The following LRP1 variants were observed in gnomAD, a reference collection of about 807,000 sequenced individuals.
The protein encoded by LRP1 is LDL receptor related protein 1.
LRP1 carries 51 observed loss-of-function variants against 541.5 expected under a neutral mutation model. The ratio of observed to expected loss-of-function variants is 0.09; its 90% CI spans 0.08 to 0.12. LRP1 has a LOEUF of 0.12. Ranked by LOEUF, LRP1 falls within the 10% of genes least tolerant of loss-of-function variation. The pLI, the probability that LRP1 is intolerant of heterozygous loss-of-function variation, is 1.00. For synonymous variants in LRP1, 2,219 were observed against 2,470.8 expected (o/e 0.90, Z 3.02); for missense variants, 3,878 against 6,376.2 (o/e 0.61, Z 13.34).
At chr12:57,193,106 C>G (rs543496260) in intron 45 of LRP1, 70 bp from the exon 46 acceptor site, 1 of 1,595,820 alleles carries the variant, frequency 6.3e-7, no homozygotes, top group Non-Finnish European at 8.6e-7. Context: ...CTCAGCTCCC[C>G]GGGGGAGGAG....
At position 57,145,367 on chromosome 12, in the gene LRP1, G is replaced by A; in HGVS notation, c.718G>A (p.Glu240Lys). Residue 240 changes from glutamate to lysine, a missense_variant, in exon 6 of 89, where the codon GAG (glutamate) becomes AAG (lysine). Around this residue, in one of 13 missense-constraint regions of LRP1, gnomAD observed 293 missense variants for 403.7 expected, o/e 0.73. Coordinates refer to ENST00000243077, the MANE Select transcript of LRP1 (RefSeq NM_002332.3). ...AGCCATGGACTTCAGCTATGCCAAC[G>A]AGACCGTATGCTGGGTGCATGTTGG... ...TTAMDFSYAN[E>K]TVCWVHVGDS... The A allele has an allele frequency of 1.2e-6, 2 of 1,614,170 alleles. No homozygotes were observed. Among genetic ancestry groups the A allele is most frequent in the Non-Finnish European group, 1.7e-6 (2 of 1,180,042 alleles).
rs1565739575 is a variant in LRP1 at position 57,184,833 on chromosome 12, C to CT, written c.6187-5dup. 6.2e-7 allele frequency: 1 copy of CT among 1,610,462 alleles called. No homozygotes were observed. ...TGGAGGTGAGGTGGGTGCCTCTGGC[C>CT]TGTAGGATGGGAAGCTGTACTGGTG... On this transcript the variant is annotated splice_region_variant and splice_polypyrimidine_tract_variant and intron_variant, in intron 38 of 88. Coordinates refer to ENST00000243077, the MANE Select transcript of LRP1 (RefSeq NM_002332.3). The surrounding 1 kb of genome is among the most constrained non-coding windows in gnomAD (Gnocchi z 7.8).
In LRP1 at chr12:57,156,186, C is replaced by T; in HGVS notation, c.1320C>T (p.Ile440=). 6.2e-7 allele frequency: 1 copy of T among 1,614,100 alleles called. No individual in the cohort carries two copies. Among genetic ancestry groups the T allele is most frequent in the African/African-American group, 1.3e-5 (1 of 75,018 alleles). The stretch of plus-strand genomic sequence containing the variant: ...ATGCCCAGCAGAAGACGAGTGTGAT[C>T]CGTGTGAACCGCTTTAACAGCACCG... ...NANAQQKTSV[I]RVNRFNSTEY... is the part of the protein sequence containing the mutation. The change falls in exon 9 of 89, where the codon ATC becomes ATT. Residue 440 remains isoleucine, a synonymous_variant. Coordinates refer to ENST00000243077, the MANE Select transcript of LRP1 (RefSeq NM_002332.3). The surrounding 1 kb of genome is among the most constrained non-coding windows in gnomAD (Gnocchi z 5.2).
rs139523882 is a variant in LRP1 at position 57,160,937 on chromosome 12, G to A, written c.2024G>A (p.Arg675Gln). The A allele has an allele frequency of 3.1e-5, 50 of 1,613,808 alleles. No individual in the cohort carries two copies. Among genetic ancestry groups the A allele is most frequent in the East Asian group, 2.7e-4 (12 of 44,884 alleles). The change falls in exon 13 of 89, where the codon CGG (arginine) becomes CAG (glutamine). Residue 675 changes from arginine to glutamine, a missense_variant. By Grantham distance (43) the Arg-to-Gln change is conservative. Around this residue, in one of 13 missense-constraint regions of LRP1, gnomAD observed 496 missense variants for 861.0 expected, o/e 0.58. Coordinates refer to ENST00000243077, the MANE Select transcript of LRP1 (RefSeq NM_002332.3). Reference protein sequence around the residue: ...TDWEEDPKDSRRGRLERAWMD... With the variant: ...TDWEEDPKDSQRGRLERAWMD... ...TGGGAGGAGGACCCCAAGGACAGTC[G>A]GCGTGGGCGGCTGGAGAGGGCGTGG...
At position 57,184,389 on chromosome 12, in the gene LRP1, G is replaced by A. The variant is rs560853445; in HGVS notation, c.6123G>A (p.Thr2041=). ...PRIERSRLDG[T]ERVVLVNVSI... ...TTGAGCGGTCTCGGCTAGATGGCAC[G>A]GAGCGTGTGGTGCTGGTCAACGTCA... Residue 2041 remains threonine, a synonymous_variant, in exon 38 of 89, where the codon ACG becomes ACA. Coordinates refer to ENST00000243077, the MANE Select transcript of LRP1 (RefSeq NM_002332.3). This position sits in a 1 kb window ranked among gnomAD's most constrained non-coding sequence, Gnocchi z 7.8. The A allele has an allele frequency of 8.7e-6, 14 of 1,614,240 alleles. No homozygotes were observed. The highest frequency in any genetic ancestry group is 2.2e-5 in the East Asian group (1 of 44,892).
intron 1 of LRP1, among the ~76,000 whole-genome samples, chr12:57,137,213 C>T (rs1269729756): frequency 6.6e-6 from 1 of 151,154 alleles, no homozygotes; most frequent in Non-Finnish European, 1.5e-5. Flanking sequence ...TGCACTCCAG[C>T]CTGGGCAACA....
chr12:57,160,226 C>G (rs564398167), intron 12 of LRP1, among the ~76,000 whole-genome samples: 1 of 152,230 alleles, frequency 6.6e-6, no homozygotes, highest in South Asian at 2.1e-4. Flanking sequence ...AGTTCAGGGC[C>G]TTCCACCAGC....
Position 57,205,685 on chromosome 12 carries a change from A to G in LRP1, c.11590+8A>G, listed in dbSNP as rs1477259264. On this transcript the variant is annotated splice_region_variant and intron_variant, in intron 75 of 88. Transcript: ENST00000243077. This position sits in a 1 kb window ranked among gnomAD's most constrained non-coding sequence, Gnocchi z 4.6. ...ACACCTGCAAGGCCGAAGGTGCCGG[A>G]GCCACCAGAGGGCAGAAAGGCTGGG... 3 of 1,608,752 alleles carry G rather than the reference A, an allele frequency of 1.9e-6. No individual in the cohort carries two copies. Among genetic ancestry groups the G allele is most frequent in the Non-Finnish European group, 1.7e-6 (2 of 1,179,912 alleles).
intron 3 of LRP1, among the ~76,000 whole-genome samples, chr12:57,141,819 A>G (rs921815323): frequency 2.0e-5 from 3 of 152,198 alleles, no homozygotes; most frequent in African/African-American, 7.2e-5. Flanking sequence ...GTGTTTTCAT[A>G]CTTTTTTAAA....
intron 79 of LRP1, 58 bp downstream of exon 79, chr12:57,209,257 C>A: frequency 7.1e-7 from 1 of 1,400,246 alleles, no homozygotes; most frequent in Non-Finnish European, 1.0e-6. Flanking sequence ...GCCATCCTCC[C>A]TACTGAGCCA....
chr12:57,151,172 T>A (rs986153456), intron 6 of LRP1, among the ~76,000 whole-genome samples: 14 of 152,140 alleles, frequency 9.2e-5, no homozygotes, highest in Middle Eastern at 3.2e-3. Flanking sequence ...GCAGCCACCA[T>A]GTATGGAAAT....
At position 57,194,717 on chromosome 12, in the gene LRP1, C is replaced by CCA. The variant is rs775041485; in HGVS notation, c.8191+20_8191+21dup. The CCA allele has an allele frequency of 1.1e-5, 17 of 1,532,792 alleles. No homozygotes were observed. Among genetic ancestry groups the CCA allele is most frequent in the Non-Finnish European group, 1.4e-5 (16 of 1,140,096 alleles). The allele number at this position is 1,532,792 out of a possible 1,614,324, so 94.9% of individuals were successfully genotyped here. On this transcript the variant is annotated intron_variant, in intron 50 of 88. Coordinates refer to ENST00000243077, the MANE Select transcript of LRP1 (RefSeq NM_002332.3). Reference sequence around the variant, plus strand: ...CCACTGCAGTGAGTGACCACTGCACCCACTCAGTGCTCCAAGAGCCTGCTG... The same window carrying CCA: ...CCACTGCAGTGAGTGACCACTGCACCCACACTCAGTGCTCCAAGAGCCTGCTG...
Position 57,187,327 on chromosome 12 carries a change from G to C in LRP1, c.6902G>C (p.Ser2301Thr), listed in dbSNP as rs780067120. The change falls in exon 42 of 89, where the codon AGC becomes ACC. Residue 2301 changes from serine (S) to threonine (T), a missense_variant. By Grantham distance (58) the Ser-to-Thr change is moderately conservative. This residue lies in a region of LRP1 where 1,100 missense variants were observed against 1,827.4 expected (regional missense o/e 0.60). Coordinates refer to ENST00000243077, the MANE Select transcript of LRP1 (RefSeq NM_002332.3). ...HRGWDTLYWTSYTTSTITRHT... is the reference protein window; with the variant it reads ...HRGWDTLYWTTYTTSTITRHT... ...GGCTGGGACACTCTCTATTGGACAA[G>C]CTACACGACATCCACCATCACGCGC... The C allele has an allele frequency of 1.2e-6, 2 of 1,614,210 alleles. No homozygotes were observed. The highest frequency in any genetic ancestry group is 1.7e-6 in the Non-Finnish European group (2 of 1,180,044).
Position 57,193,542 on chromosome 12 carries a change from C to T in LRP1, c.7685-24C>T, listed in dbSNP as rs371759919. 7.1e-5 allele frequency: 114 copies of T among 1,609,322 alleles called. No homozygotes were observed. The Middle Eastern group carries it at 9.9e-4, about 14-fold the overall frequency. On this transcript the variant is annotated intron_variant, in intron 46 of 88. Transcript: ENST00000243077. ...CCTTTCCCTGTGCCTGTGGCTGACA[C>T]GCAGCCTACTCCTCCATTTGCAGAC...
intron 18 of LRP1, 86 bp from the exon 19 acceptor site, chr12:57,167,358 T>C (rs1226011884): frequency 1.0e-6 from 1 of 997,922 alleles, no homozygotes; most frequent in African/African-American, 1.6e-5. Flanking sequence ...CTGCTGGTTA[T>C]GGGAGGGCCG....
rs769527712 is a variant in LRP1 at position 57,193,934 on chromosome 12, G to C, written c.7840G>C (p.Asp2614His). Residue 2614 changes from aspartate to histidine, a missense_variant, in exon 48 of 89, where the codon GAC becomes CAC. Around this residue, in one of 13 missense-constraint regions of LRP1, gnomAD observed 1,100 missense variants for 1,827.4 expected, o/e 0.60. Coordinates refer to ENST00000243077, the MANE Select transcript of LRP1 (RefSeq NM_002332.3). ...ACGVGEFRCR[D>H]GTCIGNSSRC... ...TGGTGTGGGCGAGTTCCGCTGCCGG[G>C]ACGGGACCTGCATCGGGAACTCCAG... 2 of 1,614,152 alleles carry C rather than the reference G, an allele frequency of 1.2e-6. No homozygotes were observed. The highest frequency in any genetic ancestry group is 2.2e-5 in the South Asian group (2 of 91,080).
intron 2 of LRP1, 95 bp from the exon 3 acceptor site, chr12:57,141,279 A>G: frequency 6.8e-7 from 1 of 1,473,084 alleles, no homozygotes; most frequent in Non-Finnish European, 9.3e-7. Context: ...TGAGATCTGA[A>G]ACCCCAGTTT....
At position 57,175,851 on chromosome 12, in the gene LRP1, C is replaced by T. The variant is rs1055504031; in HGVS notation, c.3794-58C>T. On this transcript the variant is annotated intron_variant, in intron 23 of 88. Coordinates refer to ENST00000243077, the MANE Select transcript of LRP1 (RefSeq NM_002332.3). The stretch of plus-strand genomic sequence containing the variant: ...CAGCAGAGACCTGCCTGCGCCAGGA[C>T]GGGTGGCACACAGGCAGCTAGCCCC... 2.6e-5 allele frequency: 42 copies of T among 1,596,380 alleles called. No individual in the cohort carries two copies. The Admixed American group carries it at 5.5e-4, about 21-fold the overall frequency.
At chr12:57,199,127 T>C in intron 60 of LRP1, 85 bp from the exon 61 acceptor site, 2 of 1,266,748 alleles carry the variant, frequency 1.6e-6, no homozygotes, top group South Asian at 1.3e-5. Flanking sequence ...CTCAGGGTGG[T>C]GGTAGGGCTT....
Sources: gnomAD v4.1 joint callset for allele counts (sites outside exome capture counted in the v4.1 genomes callset) on GRCh38, gnomAD v4.1.1 for gene constraint, gnomAD v4.1.1 regional missense constraint, Gnocchi (gnomAD v3.1) non-coding constraint, MANE v1.5 for transcripts, NCBI Gene and HGNC (gene_info 2026-07-23, HGNC 2026-07-21) for gene names.